The following CCDC197 variants were observed in gnomAD, a reference collection of about 807,000 sequenced individuals.
CCDC197 encodes the protein uncharacterized protein CCDC197.
In CCDC197, 24 loss-of-function variants were observed where a neutral mutation model predicts 13.4. That is an observed-to-expected ratio of 1.80 (90% CI 1.30 to 2.53). The LOEUF is 2.53. Ranked by LOEUF, CCDC197 falls within the 30% of genes most tolerant of loss-of-function variation. The pLI is 0.00. For missense variants in CCDC197, 255 were observed against 148.8 expected (o/e 1.71, Z -3.71); for synonymous variants, 99 against 55.5 (o/e 1.78, Z -3.48).
chr14:93,987,870 T>G, intron 1 of CCDC197, among the ~76,000 whole-genome samples: 1 of 148,368 alleles, frequency 6.7e-6, no homozygotes, highest in Non-Finnish European at 1.5e-5. Flanking sequence ...AGAAGCAGTG[T>G]CAGCTCCTGG....
At chr14:94,005,108 C>A (rs187737783) in intron 6 of CCDC197, 137 bp downstream of exon 6, 11 of 603,838 alleles carry the variant, frequency 1.8e-5, no homozygotes, top group African/African-American at 1.5e-4. Flanking sequence ...TACATTGGTG[C>A]CTGGTGCAGT....
chr14:94,002,992 C>T lies in CCDC197; in HGVS notation c.367-231C>T, dbSNP rs1029381555. Among the ~76,000 whole-genome samples the T allele has an allele frequency of 6.6e-5, 10 of 152,096 alleles. No individual in the cohort carries two copies. The South Asian group carries it at 1.0e-3, about 16-fold the overall frequency. On this transcript the variant is annotated intron_variant, in intron 4 of 6. Transcript: ENST00000636493. ...TCTTACCTGGTGGCAGGCAAGAGAACTTGTGTAGGGGAACTCCCCTTTATA... is the reference window on the plus strand; with the variant it reads ...TCTTACCTGGTGGCAGGCAAGAGAATTTGTGTAGGGGAACTCCCCTTTATA...
upstream of CCDC197, among the ~76,000 whole-genome samples, chr14:93,993,420 C>G (rs2273223): frequency 1.3e-5 from 2 of 152,214 alleles, no homozygotes; most frequent in South Asian, 2.1e-4. Flanking sequence ...AAGTGTTGTA[C>G]GTGGACTATC....
chr14:93,999,799 C>T, intron 3 of CCDC197, 134 bp downstream of exon 3: 1 of 650,926 alleles, frequency 1.5e-6, no homozygotes, highest in Non-Finnish European at 2.8e-6. Flanking sequence ...AAGGCCAACC[C>T]CACAGTAGTG....
chr14:94,008,672 T>A lies in CCDC197; in HGVS notation c.679T>A (p.Cys227Ser), dbSNP rs1890751851. Reference sequence around the variant, plus strand: ...CGCACTGCTCACGGAACCCAAAGTGTGCTGGTCATGGGACAGCTTCGGGGA... The same window carrying A: ...CGCACTGCTCACGGAACCCAAAGTGAGCTGGTCATGGGACAGCTTCGGGGA... The part of the protein sequence containing the change: ...LIALLTEPKV[C>S]WSWDSFGDQW... Residue 227 changes from cysteine to serine, a missense_variant, in exon 7 of 7, where the codon TGC (cysteine) becomes AGC (serine). Cys to Ser is a moderately radical substitution (Grantham distance 112). Coordinates refer to ENST00000636493, the MANE Select transcript of CCDC197 (RefSeq NM_001351596.2). 1 of 703,034 alleles carries A rather than the reference T, an allele frequency of 1.4e-6. No individual in the cohort carries two copies. The highest frequency in any genetic ancestry group is 2.0e-5 in the Admixed American group (1 of 50,020). The allele number at this position is 703,034 out of a possible 1,614,324, so 43.5% of individuals were successfully genotyped here. A position where few individuals can be genotyped will look rare whatever the true frequency, so the allele number is the denominator to read the frequency against.
At chr14:93,992,731 G>A (rs528617894), upstream of CCDC197, among the ~76,000 whole-genome samples, 1 of 152,354 alleles carries the variant, frequency 6.6e-6, no homozygotes, top group South Asian at 2.1e-4. Context: ...CCCTGTCTTG[G>A]GAGAACTGAG....
At chr14:94,010,763 C>T (rs985993548), downstream of CCDC197, among the ~76,000 whole-genome samples, 19 of 152,182 alleles carry the variant, frequency 1.2e-4, no homozygotes, top group Non-Finnish European at 4.4e-5. Context: ...GAGGTTTAGA[C>T]TCCATCAAGG....
chr14:94,007,699 C>A (rs2141390544), intron 6 of CCDC197: 1 of 152,322 alleles, frequency 6.6e-6, no homozygotes, highest in South Asian at 2.1e-4. Flanking sequence ...AAGACCCATC[C>A]TTTCCATACT....
At position 94,008,591 on chromosome 14, in the gene CCDC197, A is replaced by T. The variant is rs1441648203; in HGVS notation, c.616-18A>T. ...AGGCCAAAACACTGTCAGGTGAGAGATTTATTTTCCCTCCCAGGAGTTCAT... is the reference window on the plus strand; with the variant it reads ...AGGCCAAAACACTGTCAGGTGAGAGTTTTATTTTCCCTCCCAGGAGTTCAT... On this transcript the variant is annotated intron_variant, in intron 6 of 6. Coordinates refer to ENST00000636493, the MANE Select transcript of CCDC197 (RefSeq NM_001351596.2). 5.7e-6 allele frequency: 4 copies of T among 697,166 alleles called. No homozygotes were observed. The highest frequency in any genetic ancestry group is 7.9e-6 in the Non-Finnish European group (3 of 380,196). 43.2% of individuals were successfully genotyped at this position (697,166 alleles called of 1,614,324 possible).
In CCDC197 at chr14:94,003,279, G is replaced by T; in HGVS notation, c.423G>T (p.Gln141His). The T allele has an allele frequency of 1.3e-6, 1 of 780,936 alleles. No individual in the cohort carries two copies. Among genetic ancestry groups the T allele is most frequent in the Non-Finnish European group, 2.4e-6 (1 of 418,094 alleles). The allele number at this position is 780,936 out of a possible 1,614,324, so 48.4% of individuals were successfully genotyped here. A position where few individuals can be genotyped will look rare whatever the true frequency, so the allele number is the denominator to read the frequency against. The part of the protein sequence containing the change: ...LQKKCYRKQE[Q>H]WWQLKHSITY... Reference sequence around the variant, plus strand: ...AGAAGTGCTACCGCAAGCAGGAGCAGTGGTGGCAGCTGAAGCACAGCATCA... The same window carrying T: ...AGAAGTGCTACCGCAAGCAGGAGCATTGGTGGCAGCTGAAGCACAGCATCA... Residue 141 changes from glutamine to histidine, a missense_variant, in exon 5 of 7, where the codon CAG becomes CAT. Coordinates refer to ENST00000636493, the MANE Select transcript of CCDC197 (RefSeq NM_001351596.2). The surrounding 1 kb of genome is among the most constrained non-coding windows in gnomAD (Gnocchi z 5.0).
At position 94,004,980 on chromosome 14, in the gene CCDC197, A is replaced by G; in HGVS notation, c.615+9A>G. The stretch of plus-strand genomic sequence containing the variant: ...AGCTCGATCTGATTAAGGTAAGGAT[A>G]GACAGATGGCTGCGGGGCTCCTGAC... On this transcript the variant is annotated intron_variant, in intron 6 of 6. Coordinates refer to ENST00000636493, the MANE Select transcript of CCDC197 (RefSeq NM_001351596.2). 1.4e-6 allele frequency: 1 copy of G among 701,564 alleles called. No individual in the cohort carries two copies. Among genetic ancestry groups the G allele is most frequent in the Non-Finnish European group, 2.6e-6 (1 of 384,020 alleles). The allele number at this position is 701,564 out of a possible 1,614,324, so 43.5% of individuals were successfully genotyped here. A position where few individuals can be genotyped will look rare whatever the true frequency, so the allele number is the denominator to read the frequency against.
chr14:93,988,771 G>A (rs1890156793), intron 1 of CCDC197, among the ~76,000 whole-genome samples: 1 of 117,434 alleles, frequency 8.5e-6, no homozygotes, highest in Non-Finnish European at 1.8e-5. Flanking sequence ...TTGGGAGAGG[G>A]AATGGGAGAA....
intron 3 of CCDC197, among the ~76,000 whole-genome samples, chr14:94,000,250 C>A (rs1890454355): frequency 6.6e-6 from 1 of 152,094 alleles, no homozygotes; most frequent in Non-Finnish European, 1.5e-5. Context: ...AGCTCTTTAG[C>A]AAATCTTTTT....
Position 94,003,582 on chromosome 14 carries a change from C to A in CCDC197, c.498+228C>A, listed in dbSNP as rs539451086. On this transcript the variant is annotated intron_variant, in intron 5 of 6. Coordinates refer to ENST00000636493, the MANE Select transcript of CCDC197 (RefSeq NM_001351596.2). This position sits in a 1 kb window ranked among gnomAD's most constrained non-coding sequence, Gnocchi z 5.0. ...ACACAACCAGACATATAGACAGACCCAGCCAGACACATACACACAAATGCA... is the reference window on the plus strand; with the variant it reads ...ACACAACCAGACATATAGACAGACCAAGCCAGACACATACACACAAATGCA... Among the ~76,000 whole-genome samples, 23 of 151,474 alleles carry A rather than the reference C, an allele frequency of 1.5e-4. No homozygotes were observed. The South Asian group carries it at 4.2e-3, about 28-fold the overall frequency.
At chr14:93,990,815 T>C (rs1374684122) in intron 1 of CCDC197, among the ~76,000 whole-genome samples, 2 of 152,234 alleles carry the variant, frequency 1.3e-5, no homozygotes, top group African/African-American at 4.8e-5. Context: ...ATGATAATAG[T>C]GACAATAGTG....
upstream of CCDC197, among the ~76,000 whole-genome samples, chr14:93,995,417 A>G (rs1313899532): frequency 6.6e-6 from 1 of 152,072 alleles, no homozygotes; most frequent in African/African-American, 2.4e-5. Context: ...GGTACCCTGG[A>G]CCTATCCGGA....
At chr14:93,995,154 A>G (rs566535240), upstream of CCDC197, among the ~76,000 whole-genome samples, 2 of 152,276 alleles carry the variant, frequency 1.3e-5, no homozygotes, top group Non-Finnish European at 2.9e-5. Flanking sequence ...CGCCACTCTG[A>G]GCCAGACAGC....
intron 4 of CCDC197, among the ~76,000 whole-genome samples, chr14:94,002,956 G>A (rs1890570431): frequency 6.6e-6 from 1 of 152,110 alleles, no homozygotes; most frequent in Admixed American, 6.5e-5. Context: ...TGAAGGAGGA[G>A]CAAAGGCACA....
At chr14:94,000,080 A>C (rs1412831433) in intron 3 of CCDC197, among the ~76,000 whole-genome samples, 1 of 152,142 alleles carries the variant, frequency 6.6e-6, no homozygotes, top group Non-Finnish European at 1.5e-5. Context: ...ATTAACTAAG[A>C]GTATAAGGAC....
Sources: allele counts gnomAD v4.1 joint callset (sites outside exome capture counted in the v4.1 genomes callset), GRCh38; gene constraint gnomAD v4.1.1; non-coding constraint Gnocchi (gnomAD v3.1); transcripts MANE v1.5; gene names NCBI Gene and HGNC (gene_info 2026-07-23, HGNC 2026-07-21).